Variants in SEMA3E observed in about 807,000 individuals in gnomAD.
The protein encoded by SEMA3E is semaphorin 3E.
SEMA3E carries 49 observed loss-of-function variants against 93.6 expected under a neutral mutation model. That is an observed-to-expected ratio of 0.52 (90% CI 0.42 to 0.66). The LOEUF (loss-of-function observed/expected upper bound fraction) is 0.66, where lower values mean the gene tolerates loss of function less well. SEMA3E is among the 30% of genes least tolerant of loss of function. SEMA3E has a pLI of 0.00. For synonymous variants in SEMA3E, 363 were observed against 330.7 expected (o/e 1.10, Z -1.06); for missense variants, 906 against 964.8 (o/e 0.94, Z 0.81).
chr7:83,380,193 C>CT (rs79033440), intron 16 of SEMA3E, among the ~76,000 whole-genome samples: 13,162 of 151,884 alleles, frequency 0.087, 750 homozygotes, highest in East Asian at 0.19. Flanking sequence ...GATTGCTTCT[C>CT]TTTTTTCTCA....
intron 4 of SEMA3E, chr7:83,425,137 T>C (rs1788744002): frequency 2.0e-5 from 3 of 152,294 alleles, no homozygotes; most frequent in Non-Finnish European, 4.4e-5. Context: ...AACTTTGACC[T>C]CTATGGGTTA....
intron 16 of SEMA3E, among the ~76,000 whole-genome samples, chr7:83,381,751 A>T (rs1262118569): frequency 6.6e-6 from 1 of 152,002 alleles, no homozygotes; most frequent in Non-Finnish European, 1.5e-5. Context: ...TTTTATATCT[A>T]CATAGGCTCA....
At chr7:83,375,594 C>A (rs1335806810) in intron 16 of SEMA3E, among the ~76,000 whole-genome samples, 1 of 151,976 alleles carries the variant, frequency 6.6e-6, no homozygotes, top group Non-Finnish European at 1.5e-5. Context: ...ACAAAAGGAA[C>A]TTGCAAGTGA....
At chr7:83,506,513 A>T (rs546413886) in intron 1 of SEMA3E, among the ~76,000 whole-genome samples, 37 of 150,574 alleles carry the variant, frequency 2.5e-4, no homozygotes, top group African/African-American at 8.1e-4. Flanking sequence ...GTTAATGGAT[A>T]AAAAAAAATA....
At chr7:83,402,554 G>A in intron 10 of SEMA3E, 78 bp downstream of exon 10, 1 of 1,334,526 alleles carries the variant, frequency 7.5e-7, no homozygotes, top group Non-Finnish European at 1.1e-6. Context: ...TATCTGCAAA[G>A]TCTTATGAAA....
intron 1 of SEMA3E, among the ~76,000 whole-genome samples, chr7:83,572,070 G>C (rs1209896065): frequency 6.6e-6 from 1 of 152,120 alleles, no homozygotes; most frequent in Admixed American, 6.6e-5. Flanking sequence ...AAAGAAGTTA[G>C]AGACAACATA....
chr7:83,481,242 G>A (rs940223091), intron 2 of SEMA3E, among the ~76,000 whole-genome samples: 1 of 152,072 alleles, frequency 6.6e-6, no homozygotes, highest in South Asian at 2.1e-4. Flanking sequence ...ATCCATACAA[G>A]ATCCTGATAT....
intron 1 of SEMA3E, among the ~76,000 whole-genome samples, chr7:83,507,161 T>C (rs937806473): frequency 1.3e-5 from 2 of 152,124 alleles, no homozygotes; most frequent in African/African-American, 4.8e-5. Context: ...CCATCCATCA[T>C]CTAGTCAAAT....
intron 1 of SEMA3E, among the ~76,000 whole-genome samples, chr7:83,509,239 G>A (rs774470570): frequency 3.3e-5 from 5 of 152,150 alleles, no homozygotes; most frequent in Admixed American, 3.3e-4. Flanking sequence ...ACCTAGGAGA[G>A]GGATGATTTT....
intron 4 of SEMA3E, among the ~76,000 whole-genome samples, chr7:83,434,477 CA>C (rs1392738640): frequency 6.6e-6 from 1 of 152,120 alleles, no homozygotes; most frequent in East Asian, 1.9e-4. Flanking sequence ...TTCAACTTAT[CA>C]ATACATTAAC....
intron 1 of SEMA3E, among the ~76,000 whole-genome samples, chr7:83,492,771 C>T (rs1277466924): frequency 2.0e-5 from 3 of 151,790 alleles, no homozygotes; most frequent in Non-Finnish European, 2.9e-5. Context: ...AGCAAACAAC[C>T]ACTGTGTGAC....
At chr7:83,545,573 A>G (rs1378823864) in intron 1 of SEMA3E, among the ~76,000 whole-genome samples, 2 of 145,288 alleles carry the variant, frequency 1.4e-5, no homozygotes, top group Non-Finnish European at 3.0e-5. Flanking sequence ...AAAAAAAGAA[A>G]TAGTGGAGAA....
chr7:83,513,563 A>G (rs1790867377), intron 1 of SEMA3E, among the ~76,000 whole-genome samples: 1 of 152,194 alleles, frequency 6.6e-6, no homozygotes, highest in Non-Finnish European at 1.5e-5. Context: ...CAAAATTAAA[A>G]GTCTGGGAGA....
chr7:83,460,099 C>A (rs963861471), intron 4 of SEMA3E, among the ~76,000 whole-genome samples: 1 of 152,170 alleles, frequency 6.6e-6, no homozygotes, highest in Non-Finnish European at 1.5e-5. Flanking sequence ...TTGGTGGTCT[C>A]TTCACACGGA....
At chr7:83,535,349 A>G (rs1047653551) in intron 1 of SEMA3E, among the ~76,000 whole-genome samples, 2 of 151,846 alleles carry the variant, frequency 1.3e-5, no homozygotes, top group African/African-American at 2.4e-5. Flanking sequence ...TACATAAAGT[A>G]AGCAACAAAC....
intron 11 of SEMA3E, among the ~76,000 whole-genome samples, chr7:83,398,836 C>T (rs1005537904): frequency 4.6e-5 from 7 of 152,054 alleles, no homozygotes; most frequent in African/African-American, 9.6e-5. Flanking sequence ...CCCAGCTACT[C>T]GGGAGGCTGA....
intron 1 of SEMA3E, among the ~76,000 whole-genome samples, chr7:83,626,109 G>A (rs539243084): frequency 3.9e-5 from 6 of 152,184 alleles, no homozygotes; most frequent in East Asian, 1.9e-4. Context: ...TTGGTTTGAC[G>A]AATTTTGTTG....
chr7:83,384,896 G>A (rs1787848522), intron 16 of SEMA3E, among the ~76,000 whole-genome samples: 1 of 151,836 alleles, frequency 6.6e-6, no homozygotes, highest in Non-Finnish European at 1.5e-5. Context: ...ATATGTCTAA[G>A]ACATATGTGT....
rs1787918313 is a variant in SEMA3E, at chr7:83,388,028, T to C, written c.1668-978A>G. ...ATGTTTTGAATATATATAAAAACAT[T>C]AGCCGGGCATGGTGGCTCACGCCTG... On this transcript the variant is annotated intron_variant, in intron 14 of 16. Coordinates refer to ENST00000643230, the MANE Select transcript of SEMA3E (RefSeq NM_012431.3). 1.4e-5 allele frequency among the ~76,000 whole-genome samples: 2 copies of C among 147,860 alleles called. 1 individual carries two copies. Among genetic ancestry groups the C allele is most frequent in the South Asian group, 4.2e-4 (2 of 4,786 alleles).
Sources: gnomAD v4.1 joint callset for allele counts (sites outside exome capture counted in the v4.1 genomes callset) on GRCh38, gnomAD v4.1.1 for gene constraint, MANE v1.5 for transcripts, NCBI Gene and HGNC (gene_info 2026-07-23, HGNC 2026-07-21) for gene names.